Variants in ACSBG2 observed in about 807,000 individuals in gnomAD.
ACSBG2 encodes the protein acyl-CoA synthetase bubblegum family member 2.
In ACSBG2, 62 loss-of-function variants were observed where a neutral mutation model predicts 74.7. The ratio of observed to expected loss-of-function variants is 0.83; its 90% CI spans 0.68 to 1.03. The LOEUF is 1.03. ACSBG2 is among the 50% of genes least tolerant of loss of function. The pLI, the probability that ACSBG2 is intolerant of heterozygous loss-of-function variation, is 0.00. For synonymous variants in ACSBG2, 309 were observed against 294.1 expected (o/e 1.05, Z -0.52); for missense variants, 730 against 817.6 (o/e 0.89, Z 1.31).
intron 14 of ACSBG2, chr19:6,191,931 T>C (rs781469148): frequency 6.6e-6 from 1 of 152,100 alleles, no homozygotes; most frequent in Non-Finnish European, 1.5e-5. Context: ...GAGAAACCAT[T>C]GGACATTGAT....
chr19:6,149,147 CCA>C (rs1372385107), intron 3 of ACSBG2, among the ~76,000 whole-genome samples: 1 of 151,986 alleles, frequency 6.6e-6, no homozygotes, highest in Non-Finnish European at 1.5e-5. Flanking sequence ...AGAAACAAAA[CCA>C]AAAATAAAAA....
At chr19:6,157,399 A>C (rs1234985082) in intron 5 of ACSBG2, among the ~76,000 whole-genome samples, 3 of 152,206 alleles carry the variant, frequency 2.0e-5, no homozygotes, top group Non-Finnish European at 2.9e-5. Flanking sequence ...CTACCAAAAA[A>C]TACAAAATTT....
chr19:6,150,403 A>G (rs2089195775), intron 3 of ACSBG2, among the ~76,000 whole-genome samples: 1 of 152,050 alleles, frequency 6.6e-6, no homozygotes, highest in African/African-American at 2.4e-5. Flanking sequence ...TCAGGGTCAT[A>G]GCGGCGTTAT....
At chr19:6,138,613 G>C (rs2088681845) in intron 1 of ACSBG2, among the ~76,000 whole-genome samples, 1 of 135,244 alleles carries the variant, frequency 7.4e-6, no homozygotes. Flanking sequence ...AGGAAGGAAG[G>C]AAGGAAGGGG....
At chr19:6,136,267 AT>A (rs1000751279) in intron 1 of ACSBG2, among the ~76,000 whole-genome samples, 12 of 151,310 alleles carry the variant, frequency 7.9e-5, no homozygotes, top group East Asian at 1.9e-4. Flanking sequence ...AATTTTTTGT[AT>A]TTTTTAGTAG....
At chr19:6,139,558 G>C (rs537724129) in intron 1 of ACSBG2, among the ~76,000 whole-genome samples, 1 of 152,132 alleles carries the variant, frequency 6.6e-6, no homozygotes, top group East Asian at 1.9e-4. Flanking sequence ...GAAACTTTTA[G>C]AGTTCATAAA....
In ACSBG2 at chr19:6,161,304, G is replaced by C; in HGVS notation, c.588+9G>C. ...ACAACAACTTGTACTCTGTAAGTGT[G>C]GGAGGTGGGCACTGGGGAAAGGGGA... On this transcript the variant is annotated intron_variant, in intron 6 of 14. Coordinates refer to ENST00000588485, the MANE Select transcript of ACSBG2 (RefSeq NM_030924.5). The C allele has an allele frequency of 1.2e-6, 2 of 1,611,782 alleles. No homozygotes were observed. Among genetic ancestry groups the C allele is most frequent in the South Asian group, 1.1e-5 (1 of 91,002 alleles).
At chr19:6,159,432 A>G (rs1335896867) in intron 5 of ACSBG2, among the ~76,000 whole-genome samples, 1 of 152,076 alleles carries the variant, frequency 6.6e-6, no homozygotes, top group Non-Finnish European at 1.5e-5. Flanking sequence ...CACATACACA[A>G]CCTTCCCCTC....
At position 6,185,514 on chromosome 19, in the gene ACSBG2, G is replaced by C; in HGVS notation, c.1401G>C (p.Trp467Cys). ...NKDGIGEICL[W>C]GRHIFMGYLE... ...ATGGCATTGGGGAGATCTGCCTCTG[G>C]GGTAGGCACATCTTCATGGGCTATC... The change falls in exon 11 of 15, where the codon TGG becomes TGC. Residue 467 changes from tryptophan to cysteine, a missense_variant. By Grantham distance (215) the Trp-to-Cys change is radical (BLOSUM62 -2). Coordinates refer to ENST00000588485, the MANE Select transcript of ACSBG2 (RefSeq NM_030924.5). The C allele has an allele frequency of 6.2e-7, 1 of 1,614,138 alleles. No individual in the cohort carries two copies. Among genetic ancestry groups the C allele is most frequent in the Non-Finnish European group, 8.5e-7 (1 of 1,180,004 alleles).
intron 4 of ACSBG2, among the ~76,000 whole-genome samples, chr19:6,153,912 A>AAAAAG (rs71172792): frequency 1.3e-5 from 2 of 151,588 alleles, no homozygotes; most frequent in Admixed American, 1.3e-4. Flanking sequence ...AAGGAAAAGA[A>AAAAAG]AAAAGAAAAG....
intron 2 of ACSBG2, among the ~76,000 whole-genome samples, chr19:6,144,006 T>G (rs2088940715): frequency 6.6e-6 from 1 of 151,768 alleles, no homozygotes; most frequent in Non-Finnish European, 1.5e-5. Context: ...AGTTTGTTTG[T>G]TTGGTTTTTG....
Position 6,190,603 on chromosome 19 carries a change from G to C in ACSBG2, c.1947G>C (p.Lys649Asn). 6.2e-7 allele frequency: 1 copy of C among 1,614,006 alleles called. No homozygotes were observed. The highest frequency in any genetic ancestry group is 8.5e-7 in the Non-Finnish European group (1 of 1,179,950). The change falls in exon 14 of 15, where the codon AAG (lysine) becomes AAC (asparagine). Residue 649 changes from lysine to asparagine, a missense_variant. Physicochemically the swap from Lys to Asn is moderately conservative, Grantham distance 94. Transcript: ENST00000588485. ...CGATAGGTCCAATGATGAAACTTAA[G>C]AGACATTTTGTAGCCCAGAAATACA... ...GGELGPMMKL[K>N]RHFVAQKYKK... is the part of the protein sequence containing the mutation.
chr19:6,184,832 G>GGA (rs2090352725), intron 10 of ACSBG2, among the ~76,000 whole-genome samples: 7 of 13,532 alleles, frequency 5.2e-4, no homozygotes, highest in African/African-American at 8.6e-4. Flanking sequence ...ATGTGGAGAT[G>GGA]AAAAAAAAAA....
chr19:6,164,638 G>T (rs905352357), intron 6 of ACSBG2, among the ~76,000 whole-genome samples: 5 of 152,118 alleles, frequency 3.3e-5, no homozygotes, highest in Non-Finnish European at 4.4e-5. Flanking sequence ...TCACCATGCT[G>T]GCCATGTTGG....
rs1478852900 is a variant in ACSBG2 at position 6,182,941 on chromosome 19, A to G, written c.1088+9A>G. Reference sequence around the variant, plus strand: ...TCAAAAAAGATGTTGGGGTAGGTGGAGCATCCAGAGGGCTGGGAGGGTAGT... The same window carrying G: ...TCAAAAAAGATGTTGGGGTAGGTGGGGCATCCAGAGGGCTGGGAGGGTAGT... On this transcript the variant is annotated intron_variant, in intron 9 of 14. Coordinates refer to ENST00000588485, the MANE Select transcript of ACSBG2 (RefSeq NM_030924.5). 3.7e-6 allele frequency: 6 copies of G among 1,613,780 alleles called. No individual in the cohort carries two copies. The highest frequency in any genetic ancestry group is 1.1e-5 in the South Asian group (1 of 91,058).
At chr19:6,154,274 T>G (rs1248363902) in intron 4 of ACSBG2, among the ~76,000 whole-genome samples, 1 of 150,978 alleles carries the variant, frequency 6.6e-6, no homozygotes, top group Non-Finnish European at 1.5e-5. Flanking sequence ...GGCACATGCC[T>G]GTAATCCCAG....
chr19:6,163,786 A>C (rs2089709466), intron 6 of ACSBG2, among the ~76,000 whole-genome samples: 2 of 118,968 alleles, frequency 1.7e-5, no homozygotes, highest in South Asian at 2.5e-4. Context: ...TAAAATACAA[A>C]AAAAAAAAAA....
intron 3 of ACSBG2, among the ~76,000 whole-genome samples, chr19:6,150,911 C>T (rs1014241591): frequency 6.6e-6 from 1 of 151,660 alleles, no homozygotes; most frequent in Non-Finnish European, 1.5e-5. Flanking sequence ...GTCAGGGGTT[C>T]GAGACCAGCC....
chr19:6,183,474 T>C (rs1446833460), intron 10 of ACSBG2, among the ~76,000 whole-genome samples: 1 of 152,202 alleles, frequency 6.6e-6, no homozygotes, highest in Non-Finnish European at 1.5e-5. Context: ...ATAAGGGGGA[T>C]GGCTCTCTGA....
Sources: allele counts gnomAD v4.1 joint callset (sites outside exome capture counted in the v4.1 genomes callset), GRCh38; gene constraint gnomAD v4.1.1; transcripts MANE v1.5; gene names NCBI Gene and HGNC (gene_info 2026-07-23, HGNC 2026-07-21).